PDS5A: variants seen among roughly 807,000 people sequenced by gnomAD.
The protein encoded by PDS5A is sister chromatid cohesion protein PDS5 homolog A.
PDS5A carries 42 observed loss-of-function variants against 167.1 expected under a neutral mutation model. The observed-to-expected ratio is 0.25, with a 90% CI of 0.20 to 0.33. PDS5A has a LOEUF of 0.33. PDS5A is among the 10% of genes least tolerant of loss of function. The pLI is 1.00. For missense variants in PDS5A, 1,033 were observed against 1,605.9 expected (o/e 0.64, Z 6.10); for synonymous variants, 553 against 554.6 (o/e 1.00, Z 0.04).
chr4:39,934,015 T>C (rs754168389), intron 2 of PDS5A, among the ~76,000 whole-genome samples: 3 of 152,248 alleles, frequency 2.0e-5, no homozygotes, highest in Non-Finnish European at 4.4e-5. Flanking sequence ...AGCTTTCTAC[T>C]AACTGGCTGT....
At position 39,977,683 on chromosome 4, in the gene PDS5A, C is replaced by G. The variant is rs1731257284; in HGVS notation, c.-267G>C. Reference sequence around the variant, plus strand: ...TGAGCGCTGGGCGGGGAGACAGTGCCGCTCTCCGTCTGGCCGAGGAAGAGC... The same window carrying G: ...TGAGCGCTGGGCGGGGAGACAGTGCGGCTCTCCGTCTGGCCGAGGAAGAGC... On this transcript the variant is annotated 5_prime_UTR_variant, in exon 1 of 33. Coordinates refer to ENST00000303538, the MANE Select transcript of PDS5A (RefSeq NM_001100399.2). The surrounding 1 kb of genome is among the most constrained non-coding windows in gnomAD (Gnocchi z 4.2). The G allele has an allele frequency of 6.6e-6, 1 of 150,724 alleles. No individual in the cohort carries two copies. Among genetic ancestry groups the G allele is most frequent in the Non-Finnish European group, 1.5e-5 (1 of 67,522 alleles). 9.3% of individuals were successfully genotyped at this position (150,724 alleles called of 1,614,324 possible). A position where few individuals can be genotyped will look rare whatever the true frequency, so the allele number is the denominator to read the frequency against.
chr4:39,892,148 T>A (rs1014311777), intron 16 of PDS5A, among the ~76,000 whole-genome samples: 1 of 150,302 alleles, frequency 6.7e-6, no homozygotes, highest in Non-Finnish European at 1.5e-5. Flanking sequence ...GCTCAAAGAT[T>A]ATGGTATTAG....
intron 2 of PDS5A, among the ~76,000 whole-genome samples, 181 bp from the exon 3 acceptor site, chr4:39,928,345 G>A (rs1313894634): frequency 6.6e-6 from 1 of 151,904 alleles, no homozygotes; most frequent in East Asian, 1.9e-4. Flanking sequence ...GCATGAAACG[G>A]CTAGTCTAAA....
At chr4:39,920,232 T>C (rs1724822425) in intron 7 of PDS5A, 87 bp downstream of exon 7, 1 of 567,452 alleles carries the variant, frequency 1.8e-6, no homozygotes, top group East Asian at 3.3e-5. Flanking sequence ...ATAAGCTAAA[T>C]AAACTTTTAT....
At chr4:39,945,071 T>G (rs1727620697) in intron 2 of PDS5A, among the ~76,000 whole-genome samples, 1 of 152,162 alleles carries the variant, frequency 6.6e-6, no homozygotes, top group African/African-American at 2.4e-5. Context: ...TATTAACTTA[T>G]GTAATACAAT....
chr4:39,940,916 C>T (rs539204335), intron 2 of PDS5A, among the ~76,000 whole-genome samples: 20 of 152,330 alleles, frequency 1.3e-4, no homozygotes, highest in African/African-American at 4.6e-4. Flanking sequence ...GCAATCCACC[C>T]GTCTTGGCCT....
intron 32 of PDS5A, among the ~76,000 whole-genome samples, chr4:39,832,141 C>A (rs1180659585): frequency 2.0e-5 from 3 of 151,656 alleles, no homozygotes; most frequent in African/African-American, 7.3e-5. Flanking sequence ...AACAAAAACC[C>A]AAAAACAAGA....
chr4:39,841,923 C>A (rs747432290), intron 31 of PDS5A, 25 bp downstream of exon 31: 1 of 1,264,364 alleles, frequency 7.9e-7, no homozygotes, highest in Non-Finnish European at 1.2e-6. Context: ...TGGAAAAAAT[C>A]CACTTGTTAA....
At chr4:39,847,588 A>T (rs1282278661) in intron 28 of PDS5A, 1 of 152,044 alleles carries the variant, frequency 6.6e-6, no homozygotes, top group African/African-American at 2.4e-5. Flanking sequence ...TGGGTGACGG[A>T]GACTCAAAAA....
chr4:39,927,877 TA>T, intron 3 of PDS5A, 83 bp downstream of exon 3: 3 of 955,040 alleles, frequency 3.1e-6, no homozygotes, highest in Non-Finnish European at 4.7e-6. Flanking sequence ...CCTATGTTCA[TA>T]AAGGTAAAAT....
chr4:39,830,982 T>A (rs1715809954), intron 32 of PDS5A, among the ~76,000 whole-genome samples: 1 of 152,270 alleles, frequency 6.6e-6, no homozygotes, highest in African/African-American at 2.4e-5. Flanking sequence ...ACGCCTATAA[T>A]CCCATTTATG....
At chr4:39,878,325 GT>G (rs1192570929) in intron 18 of PDS5A, among the ~76,000 whole-genome samples, 3 of 152,146 alleles carry the variant, frequency 2.0e-5, no homozygotes, top group African/African-American at 7.2e-5. Flanking sequence ...GCCGGGCGCG[GT>G]GGCTCACGTC....
chr4:39,920,844 T>A (rs1298472678), intron 6 of PDS5A, among the ~76,000 whole-genome samples: 1 of 152,350 alleles, frequency 6.6e-6, no homozygotes, highest in East Asian at 1.9e-4. Context: ...TGGTAAGCGT[T>A]TCAAATAAAA....
intron 2 of PDS5A, among the ~76,000 whole-genome samples, chr4:39,952,104 C>A (rs1453771106): frequency 6.6e-6 from 1 of 151,792 alleles, no homozygotes; most frequent in Non-Finnish European, 1.5e-5. Flanking sequence ...CAGAGGTGGG[C>A]GGATTACCTG....
chr4:39,841,514 T>A (rs886220415), intron 31 of PDS5A, among the ~76,000 whole-genome samples: 3 of 133,802 alleles, frequency 2.2e-5, no homozygotes, highest in African/African-American at 6.2e-5. Context: ...ACCACACAAA[T>A]TTTTTTTTTT....
At chr4:39,897,141 C>A (rs1255623308) in intron 16 of PDS5A, among the ~76,000 whole-genome samples, 2 of 152,036 alleles carry the variant, frequency 1.3e-5, no homozygotes, top group African/African-American at 4.8e-5. Flanking sequence ...TGCCTGTAAC[C>A]CCAGCACTTT....
intron 21 of PDS5A, among the ~76,000 whole-genome samples, chr4:39,872,595 G>A (rs896654156): frequency 3.3e-5 from 5 of 152,146 alleles, no homozygotes; most frequent in Non-Finnish European, 2.9e-5. Context: ...AGGTTGCAGT[G>A]AGCCGAGATC....
At chr4:39,928,272 A>C (rs1725645389) in intron 2 of PDS5A, 108 bp from the exon 3 acceptor site, 1 of 643,952 alleles carries the variant, frequency 1.6e-6, no homozygotes, top group Non-Finnish European at 2.7e-6. Context: ...ATCGGTGGCC[A>C]CCAGACAGTT....
In PDS5A at chr4:39,973,565, GT is replaced by G. The variant is rs1427177393; in HGVS notation, c.138+2874del. The G allele has an allele frequency of 4.9e-6, 6 of 1,235,942 alleles. No homozygotes were observed. The African/African-American group carries it at 8.9e-5, about 18-fold the overall frequency. 76.6% of individuals were successfully genotyped at this position (1,235,942 alleles called of 1,614,324 possible). On this transcript the variant is annotated intron_variant, in intron 2 of 32. Coordinates refer to ENST00000303538, the MANE Select transcript of PDS5A (RefSeq NM_001100399.2). ...ACTAGTGCAAAGGCTATGATGGAGG[GT>G]GGTCACAGCAAAGGGTTTGGTTTCG...
Sources: allele counts gnomAD v4.1 joint callset (sites outside exome capture counted in the v4.1 genomes callset), GRCh38; gene constraint gnomAD v4.1.1; non-coding constraint Gnocchi (gnomAD v3.1); transcripts MANE v1.5; gene names NCBI Gene and HGNC (gene_info 2026-07-23, HGNC 2026-07-21).